ANKS1B: variants seen among roughly 807,000 people sequenced by gnomAD.
ANKS1B encodes ankyrin repeat and sterile alpha motif domain containing 1B.
In ANKS1B, 36 loss-of-function variants were observed where a neutral mutation model predicts 148.3. The ratio of observed to expected loss-of-function variants is 0.24; its 90% CI spans 0.19 to 0.32. The LOEUF (loss-of-function observed/expected upper bound fraction) is 0.32. ANKS1B is among the 10% of genes least tolerant of loss of function. The probability of loss-of-function intolerance (pLI) is 1.00; values close to 1 mark genes in which losing one functional copy is unlikely to be tolerated. For missense variants in ANKS1B, 1,157 were observed against 1,542.6 expected (o/e 0.75, Z 4.19); for synonymous variants, 542 against 560.8 (o/e 0.97, Z 0.47).
intron 12 of ANKS1B, among the ~76,000 whole-genome samples, chr12:99,315,106 G>A (rs760491623): frequency 6.6e-6 from 1 of 151,898 alleles, no homozygotes; most frequent in Admixed American, 6.6e-5. Flanking sequence ...AGCTGGGCGT[G>A]GTGGTGCATG....
chr12:99,417,075 G>C (rs572529061), intron 11 of ANKS1B, among the ~76,000 whole-genome samples: 2 of 152,146 alleles, frequency 1.3e-5, no homozygotes, highest in Non-Finnish European at 2.9e-5. Flanking sequence ...GGAAGGAGAG[G>C]ATCAGGACAA....
At chr12:99,328,261 A>T (rs898226715) in intron 12 of ANKS1B, among the ~76,000 whole-genome samples, 2 of 151,970 alleles carry the variant, frequency 1.3e-5, no homozygotes, top group Non-Finnish European at 2.9e-5. Context: ...TAACCAGGAG[A>T]TGAACTTGAC....
At chr12:99,308,171 T>C (rs527644702) in intron 12 of ANKS1B, among the ~76,000 whole-genome samples, 2 of 152,116 alleles carry the variant, frequency 1.3e-5, no homozygotes, top group South Asian at 2.1e-4. Flanking sequence ...ATAGAAATTA[T>C]AGAGAACAAG....
chr12:99,186,719 C>T (rs973862516), intron 14 of ANKS1B, among the ~76,000 whole-genome samples: 1 of 151,952 alleles, frequency 6.6e-6, no homozygotes, highest in Non-Finnish European at 1.5e-5. Flanking sequence ...ACATCCACAC[C>T]AAAACCCTAT....
At chr12:99,922,621 C>G (rs2094385999) in intron 1 of ANKS1B, among the ~76,000 whole-genome samples, 1 of 151,998 alleles carries the variant, frequency 6.6e-6, no homozygotes, top group Non-Finnish European at 1.5e-5. Context: ...CTTAAGGGCT[C>G]AGGGTGAGTA....
chr12:99,814,232 A>G (rs2068807067), intron 2 of ANKS1B, among the ~76,000 whole-genome samples: 1 of 151,664 alleles, frequency 6.6e-6, no homozygotes, highest in African/African-American at 2.4e-5. Flanking sequence ...TATCCCTGTC[A>G]TTAAGAAACA....
chr12:99,665,488 CTT>C (rs1271222513), intron 8 of ANKS1B, among the ~76,000 whole-genome samples: 21 of 144,292 alleles, frequency 1.5e-4, no homozygotes, highest in Admixed American at 2.1e-4. Flanking sequence ...TGTTCGACTT[CTT>C]TTTTTTTTTT....
chr12:99,639,153 C>T (rs1318251089), intron 9 of ANKS1B, among the ~76,000 whole-genome samples: 3 of 152,200 alleles, frequency 2.0e-5, no homozygotes, highest in African/African-American at 7.2e-5. Context: ...CACTGGGGGA[C>T]TACCTAGTAG....
intron 19 of ANKS1B, among the ~76,000 whole-genome samples, chr12:98,819,518 T>C (rs1409919012): frequency 1.3e-5 from 2 of 152,220 alleles, no homozygotes; most frequent in Admixed American, 6.5e-5. Context: ...GTAGGAGTTA[T>C]AGGGAGGCTT....
intron 17 of ANKS1B, among the ~76,000 whole-genome samples, chr12:98,855,116 G>A (rs182444071): frequency 8.4e-4 from 123 of 146,138 alleles, no homozygotes; most frequent in African/African-American, 2.9e-3. Context: ...CTGAGATTGC[G>A]CCACTGCAGT....
Position 99,963,187 on chromosome 12 carries a change from C to CCCACT in ANKS1B, c.134+20912_134+20916dup, listed in dbSNP as rs1188160942. On this transcript the variant is annotated intron_variant, in intron 1 of 26. Transcript: ENST00000683438. Reference sequence around the variant, plus strand: ...GAGAAGCGTCTGTTCATATCCTTTGCCCACTTTCTGATGGGGTTTTTTCTT... The same window carrying CCCACT: ...GAGAAGCGTCTGTTCATATCCTTTGCCCACTCCACTTTCTGATGGGGTTTTTTCTT... 2.0e-5 allele frequency among the ~76,000 whole-genome samples: 3 copies of CCCACT among 152,176 alleles called. No homozygotes were observed. The East Asian group carries it at 5.8e-4, about 29-fold the overall frequency.
At chr12:98,938,442 TG>T (rs1446234754) in intron 17 of ANKS1B, among the ~76,000 whole-genome samples, 2 of 152,254 alleles carry the variant, frequency 1.3e-5, no homozygotes, top group South Asian at 2.1e-4. Context: ...GTATGGGATA[TG>T]GGTCAGGCAT....
intron 8 of ANKS1B, among the ~76,000 whole-genome samples, chr12:99,700,553 T>G (rs1007897588): frequency 6.6e-6 from 1 of 152,186 alleles, no homozygotes; most frequent in African/African-American, 2.4e-5. Context: ...AATGGAAGTC[T>G]CATCCCTACC....
chr12:99,528,798 T>C (rs898282909), intron 9 of ANKS1B, among the ~76,000 whole-genome samples: 2 of 152,204 alleles, frequency 1.3e-5, no homozygotes, highest in African/African-American at 4.8e-5. Context: ...GTGATGTATG[T>C]TCATATCTGT....
rs549166830 is a variant in ANKS1B at position 99,353,354 on chromosome 12, A to G, written c.1756+46277T>C. Among the ~76,000 whole-genome samples the G allele has an allele frequency of 4.4e-4, 67 of 152,170 alleles. 1 individual carries two copies. The South Asian group carries it at 0.013, about 29-fold the overall frequency. On this transcript the variant is annotated intron_variant, in intron 12 of 26. Transcript: ENST00000683438. Reference sequence around the variant, plus strand: ...GTGTGTTGTCTGTAAAAATCCTGGCATATGATAAGCACATAATAAATGGCA... The same window carrying G: ...GTGTGTTGTCTGTAAAAATCCTGGCGTATGATAAGCACATAATAAATGGCA...
chr12:98,912,873 G>A (rs972397724), intron 17 of ANKS1B, among the ~76,000 whole-genome samples: 3 of 152,130 alleles, frequency 2.0e-5, no homozygotes, highest in African/African-American at 7.2e-5. Context: ...ACCTAGATTT[G>A]CACAACTTTA....
chr12:99,740,829 C>T (rs973764891), intron 8 of ANKS1B, among the ~76,000 whole-genome samples: 10 of 152,050 alleles, frequency 6.6e-5, no homozygotes, highest in South Asian at 2.1e-4. Context: ...CAAGAGAAGC[C>T]GTGAGGGACT....
chr12:99,168,198 G>T (rs1481066198), intron 14 of ANKS1B, among the ~76,000 whole-genome samples: 2 of 152,164 alleles, frequency 1.3e-5, no homozygotes, highest in Non-Finnish European at 2.9e-5. Context: ...TTTGTTGTAG[G>T]TTAATGATAC....
chr12:99,256,013 T>A (rs1283032834), intron 12 of ANKS1B, among the ~76,000 whole-genome samples: 1 of 152,140 alleles, frequency 6.6e-6, no homozygotes, highest in African/African-American at 2.4e-5. Flanking sequence ...AACCTAATTT[T>A]AGCAGACTTA....
Sources: allele counts gnomAD v4.1 joint callset (sites outside exome capture counted in the v4.1 genomes callset), GRCh38; gene constraint gnomAD v4.1.1; transcripts MANE v1.5; gene names NCBI Gene and HGNC (gene_info 2026-07-23, HGNC 2026-07-21).